The following GLIS3 variants were observed in gnomAD, a reference collection of about 807,000 sequenced individuals.
The protein encoded by GLIS3 is GLIS family zinc finger 3.
GLIS3 carries 53 observed loss-of-function variants against 78.6 expected under a neutral mutation model. The ratio of observed to expected loss-of-function variants is 0.67; its 90% CI spans 0.54 to 0.85. The LOEUF (loss-of-function observed/expected upper bound fraction) is 0.85, where lower values mean the gene tolerates loss of function less well. Among genes scored for constraint, GLIS3 ranks in the 40% least tolerant of loss-of-function variants. The pLI is 0.00. For missense variants in GLIS3, 1,703 were observed against 1,231.1 expected (o/e 1.38, Z -5.74); for synonymous variants, 684 against 509.9 (o/e 1.34, Z -4.60).
At chr9:4,141,892 T>C (rs756601586) in intron 2 of GLIS3, among the ~76,000 whole-genome samples, 2 of 152,242 alleles carry the variant, frequency 1.3e-5, no homozygotes, top group African/African-American at 4.8e-5. Flanking sequence ...GTTTCTTTTA[T>C]TTAATGCTAT....
At chr9:4,240,447 G>A (rs1023745485) in intron 2 of GLIS3, among the ~76,000 whole-genome samples, 8 of 152,026 alleles carry the variant, frequency 5.3e-5, no homozygotes, top group East Asian at 3.8e-4. Flanking sequence ...GCAGCAGTTC[G>A]CGGTCTGGGG....
chr9:4,189,470 G>C (rs1818125180), intron 2 of GLIS3, among the ~76,000 whole-genome samples: 3 of 152,178 alleles, frequency 2.0e-5, no homozygotes, highest in African/African-American at 7.2e-5. Flanking sequence ...TGTATATTCT[G>C]TTGATTTGTG....
chr9:4,131,938 A>G (rs1305577731), intron 2 of GLIS3, among the ~76,000 whole-genome samples: 2 of 152,158 alleles, frequency 1.3e-5, no homozygotes, highest in African/African-American at 4.8e-5. Context: ...CTTTCTAAAG[A>G]AAATATTCCT....
intron 4 of GLIS3, among the ~76,000 whole-genome samples, chr9:4,007,845 T>G (rs1821678421): frequency 7.0e-6 from 1 of 142,842 alleles, no homozygotes; most frequent in South Asian, 2.4e-4. Context: ...TTCGTAAGAC[T>G]ATTGCTTACC....
chr9:4,416,262 A>T, the GLIS3 span, among the ~76,000 whole-genome samples: 12 of 147,296 alleles, frequency 8.1e-5, no homozygotes, highest in African/African-American at 2.7e-4. Context: ...TAAAAAAAAA[A>T]AAAAAAAAAA....
At chr9:4,422,374 A>C in the GLIS3 span, among the ~76,000 whole-genome samples, 4 of 152,216 alleles carry the variant, frequency 2.6e-5, no homozygotes, top group South Asian at 8.3e-4. Flanking sequence ...TAATCTTACA[A>C]ATACATACTT....
At chr9:4,297,615 C>T (rs1282410786) in intron 1 of GLIS3, among the ~76,000 whole-genome samples, 1 of 152,150 alleles carries the variant, frequency 6.6e-6, no homozygotes, top group Non-Finnish European at 1.5e-5. Context: ...TGAAACGGGG[C>T]CGCGACTCCA....
chr9:4,130,836 G>C (rs182174787), intron 2 of GLIS3, among the ~76,000 whole-genome samples: 48 of 152,288 alleles, frequency 3.2e-4, no homozygotes, highest in Non-Finnish European at 4.4e-4. Context: ...CCATCTTCCA[G>C]ACCCCAAAAT....
chr9:4,125,084 A>G (rs1346679304), intron 3 of GLIS3, among the ~76,000 whole-genome samples: 4 of 152,154 alleles, frequency 2.6e-5, no homozygotes, highest in African/African-American at 9.7e-5. Context: ...GACACATGGC[A>G]TTTATAGTAC....
At chr9:4,365,663 G>C in the GLIS3 span, among the ~76,000 whole-genome samples, 1 of 152,212 alleles carries the variant, frequency 6.6e-6, no homozygotes, top group African/African-American at 2.4e-5. Flanking sequence ...CAAAAGTTGA[G>C]ACTCAGAAAA....
the GLIS3 span, among the ~76,000 whole-genome samples, chr9:4,448,357 G>A: frequency 6.6e-6 from 1 of 152,172 alleles, no homozygotes; most frequent in Non-Finnish European, 1.5e-5. Flanking sequence ...CAGGCAGCCA[G>A]AACCCATCCC....
chr9:4,232,773 C>T (rs1404768165), intron 2 of GLIS3, among the ~76,000 whole-genome samples: 1 of 152,102 alleles, frequency 6.6e-6, no homozygotes, highest in Admixed American at 6.5e-5. Flanking sequence ...TGTGTCATTC[C>T]TATTCTTTGT....
the GLIS3 span, among the ~76,000 whole-genome samples, chr9:4,365,795 T>C: frequency 6.6e-6 from 1 of 152,212 alleles, no homozygotes; most frequent in African/African-American, 2.4e-5. Context: ...AATCACGTTA[T>C]GCTTCACATC....
chr9:4,220,711 A>C (rs894696368), intron 2 of GLIS3, among the ~76,000 whole-genome samples: 10 of 152,102 alleles, frequency 6.6e-5, no homozygotes, highest in Admixed American at 5.2e-4. Context: ...CCAGTGCAAC[A>C]TAAGTGAGAC....
chr9:4,490,387 C>G, the GLIS3 span: 1 of 211,162 alleles, frequency 4.7e-6, no homozygotes, highest in Admixed American at 6.1e-5. Context: ...CCGGGCCTGC[C>G]GCTCCTCCCT....
the GLIS3 span, among the ~76,000 whole-genome samples, chr9:4,393,265 G>A: frequency 6.6e-6 from 1 of 151,914 alleles, no homozygotes; most frequent in Non-Finnish European, 1.5e-5. Context: ...TCTATTTCTA[G>A]CTCTAACACT....
At chr9:3,923,235 C>A (rs1825008163) in intron 6 of GLIS3, among the ~76,000 whole-genome samples, 1 of 152,226 alleles carries the variant, frequency 6.6e-6, no homozygotes. Context: ...AATCACAGAT[C>A]TGACCACTGT....
chr9:4,227,251 G>C (rs919542421), intron 2 of GLIS3, among the ~76,000 whole-genome samples: 2 of 146,888 alleles, frequency 1.4e-5, no homozygotes, highest in Non-Finnish European at 3.0e-5. Context: ...GTCCTAGAAA[G>C]ACAGGACAGA....
intron 4 of GLIS3, among the ~76,000 whole-genome samples, chr9:4,115,408 G>T (rs1414835464): frequency 6.6e-6 from 1 of 152,108 alleles, no homozygotes; most frequent in Non-Finnish European, 1.5e-5. Context: ...ACTACCATCA[G>T]ATTTGAAGTC....
Sources: gnomAD v4.1 joint callset for allele counts (sites outside exome capture counted in the v4.1 genomes callset) on GRCh38, gnomAD v4.1.1 for gene constraint, MANE v1.5 for transcripts, NCBI Gene and HGNC (gene_info 2026-07-23, HGNC 2026-07-21) for gene names.